The following CSNK1G3 variants were observed in gnomAD, a reference collection of about 807,000 sequenced individuals.
CSNK1G3 encodes casein kinase 1 gamma 3, also known as casein kinase I isoform gamma-3.
A neutral mutation model predicts 64.3 loss-of-function variants in CSNK1G3; 23 were observed. That is an observed-to-expected ratio of 0.36 (90% CI 0.26 to 0.51). The LOEUF (loss-of-function observed/expected upper bound fraction) is 0.51. Ranked by LOEUF, CSNK1G3 falls within the 20% of genes least tolerant of loss-of-function variation. CSNK1G3 has a pLI of 0.96. For synonymous variants in CSNK1G3, 158 were observed against 162.2 expected, an observed-to-expected ratio of 0.97 and a Z score of 0.20; for missense variants, 357 against 510.5, an observed-to-expected ratio of 0.70 and a Z score of 2.90.
intron 1 of CSNK1G3, among the ~76,000 whole-genome samples, chr5:123,523,273 C>T (rs989577815): frequency 3.9e-5 from 6 of 151,980 alleles, no homozygotes; most frequent in African/African-American, 1.5e-4. Flanking sequence ...GTTTATATTG[C>T]ATATAGTCTG....
intron 1 of CSNK1G3, among the ~76,000 whole-genome samples, chr5:123,522,863 G>A (rs749421967): frequency 8.5e-5 from 13 of 152,160 alleles, no homozygotes; most frequent in Non-Finnish European, 1.8e-4. Flanking sequence ...CTTTGATTAA[G>A]TATAACGCCA....
Position 123,605,198 on chromosome 5 carries a change from T to G in CSNK1G3, c.1194-141T>G, listed in dbSNP as rs1581423472. ...GCATGTTTTAATATTTTGAATTAGT[T>G]TTTTCAAAACATAAATTATAACAAC... On this transcript the variant is annotated intron_variant, in intron 11 of 12. Coordinates refer to ENST00000345990, the Ensembl canonical transcript of CSNK1G3. 16 of 707,708 alleles carry G rather than the reference T, an allele frequency of 2.3e-5. No homozygotes were observed. In the East Asian group the frequency reaches 4.5e-4, roughly 20 times the overall value. The allele number at this position is 707,708 out of a possible 1,614,324, so 43.8% of individuals were successfully genotyped here.
At chr5:123,530,504 G>GC (rs1376055310) in intron 1 of CSNK1G3, among the ~76,000 whole-genome samples, 1 of 152,046 alleles carries the variant, frequency 6.6e-6, no homozygotes, top group African/African-American at 2.4e-5. Context: ...TACAAATCTT[G>GC]TTAAACATGA....
At chr5:123,512,666 G>A (rs1776398541) in intron 1 of CSNK1G3, 96 bp downstream of exon 1, 1 of 149,580 alleles carries the variant, frequency 6.7e-6, no homozygotes, top group South Asian at 2.1e-4. Flanking sequence ...TGGGGCTGGG[G>A]TCCCGGGCGG....
chr5:123,539,763 A>C (rs368333179), intron 1 of CSNK1G3, among the ~76,000 whole-genome samples: 2 of 152,178 alleles, frequency 1.3e-5, no homozygotes, highest in South Asian at 4.1e-4. Context: ...AATATTTGAT[A>C]AAATTTGCCA....
At chr5:123,578,194 T>C (rs1056689927) in intron 6 of CSNK1G3, among the ~76,000 whole-genome samples, 2 of 151,956 alleles carry the variant, frequency 1.3e-5, no homozygotes, top group Non-Finnish European at 2.9e-5. Flanking sequence ...ATTTTTCAGT[T>C]TGGTCCTATG....
intron 1 of CSNK1G3, among the ~76,000 whole-genome samples, chr5:123,541,049 C>A (rs189144222): frequency 6.6e-6 from 1 of 152,146 alleles, no homozygotes; most frequent in East Asian, 1.9e-4. Flanking sequence ...TTTTATTTTG[C>A]GGTATTTTAT....
At chr5:123,606,187 A>C (rs1041652028) in intron 12 of CSNK1G3, among the ~76,000 whole-genome samples, 7 of 152,126 alleles carry the variant, frequency 4.6e-5, no homozygotes, top group Non-Finnish European at 8.8e-5. Context: ...TTAAGAATCC[A>C]TTTTAATCAC....
At chr5:123,529,972 A>C (rs1194940566) in intron 1 of CSNK1G3, among the ~76,000 whole-genome samples, 1 of 152,052 alleles carries the variant, frequency 6.6e-6, no homozygotes, top group East Asian at 1.9e-4. Flanking sequence ...CCCTGTCTCT[A>C]CAAAAAATAC....
At chr5:123,512,626 C>T (rs1580794285) in intron 1 of CSNK1G3, 56 bp downstream of exon 1, 1 of 146,546 alleles carries the variant, frequency 6.8e-6, no homozygotes, top group Non-Finnish European at 1.5e-5. Flanking sequence ...GCGGCTGCCT[C>T]GGCGCGGCCG....
chr5:123,521,769 A>G (rs762207661), intron 1 of CSNK1G3, among the ~76,000 whole-genome samples: 15 of 152,172 alleles, frequency 9.9e-5, no homozygotes, highest in Non-Finnish European at 1.5e-4. Flanking sequence ...CTAACATTTA[A>G]CTAAATAGAT....
intron 1 of CSNK1G3, among the ~76,000 whole-genome samples, chr5:123,523,859 T>C (rs1778569728): frequency 6.6e-6 from 1 of 152,208 alleles, no homozygotes. Context: ...AAAGGTTTCA[T>C]TGTGGAAATA....
intron 2 of CSNK1G3, among the ~76,000 whole-genome samples, chr5:123,548,153 G>T (rs1782910844): frequency 6.6e-6 from 1 of 151,960 alleles, no homozygotes; most frequent in Non-Finnish European, 1.5e-5. Flanking sequence ...ACATTGCAGG[G>T]CATTTAAAAC....
chr5:123,528,725 G>A (rs1318155870), intron 1 of CSNK1G3, among the ~76,000 whole-genome samples: 1 of 152,064 alleles, frequency 6.6e-6, no homozygotes, highest in Non-Finnish European at 1.5e-5. Flanking sequence ...TAATTTAGTT[G>A]TCATTTCTTA....
chr5:123,594,975 A>T (rs1304900704), intron 10 of CSNK1G3, 64 bp from the exon 11 acceptor site: 1 of 1,383,402 alleles, frequency 7.2e-7, no homozygotes, highest in Non-Finnish European at 1.0e-6. Context: ...TTATGAGGAT[A>T]AAATGTTTAA....
At chr5:123,592,736 T>G (rs1370012602) in intron 10 of CSNK1G3, among the ~76,000 whole-genome samples, 1 of 137,874 alleles carries the variant, frequency 7.3e-6, no homozygotes, top group African/African-American at 2.9e-5. Flanking sequence ...TTAACAATAT[T>G]ATGCTATATA....
intron 6 of CSNK1G3, among the ~76,000 whole-genome samples, chr5:123,578,925 CTT>C (rs1264828199): frequency 6.6e-6 from 1 of 151,956 alleles, no homozygotes; most frequent in Admixed American, 6.6e-5. Context: ...AAAGTACAAA[CTT>C]AATTATCTGC....
Position 123,594,991 on chromosome 5 carries a change from T to A in CSNK1G3, c.1086+3577T>A, listed in dbSNP as rs768821611. The A allele has an allele frequency of 2.7e-6, 4 of 1,503,290 alleles. No individual in the cohort carries two copies. The South Asian group carries it at 3.4e-5, about 13-fold the overall frequency. 93.1% of individuals were successfully genotyped at this position (1,503,290 alleles called of 1,614,324 possible). A position where few individuals can be genotyped will look rare whatever the true frequency, so the allele number is the denominator to read the frequency against. On this transcript the variant is annotated intron_variant, in intron 10 of 12. Transcript: ENST00000345990. ...TATGAGGATAAAATGTTTAACATAT[T>A]GGGTTTTTCTTCTTCCATGCATGCC...
chr5:123,538,383 G>A (rs189293124), intron 1 of CSNK1G3, among the ~76,000 whole-genome samples: 1 of 152,240 alleles, frequency 6.6e-6, no homozygotes, highest in East Asian at 1.9e-4. Context: ...GGTGTGAAAT[G>A]GTATTTCATT....
Sources: allele counts gnomAD v4.1 joint callset (sites outside exome capture counted in the v4.1 genomes callset), GRCh38; gene constraint gnomAD v4.1.1; transcripts MANE v1.5; gene names NCBI Gene and HGNC (gene_info 2026-07-23, HGNC 2026-07-21).